IL17RC: variants seen among roughly 807,000 people sequenced by gnomAD.
IL17RC encodes interleukin-17 receptor C.
A neutral mutation model predicts 86.7 loss-of-function variants in IL17RC; 53 were observed. The ratio of observed to expected loss-of-function variants is 0.61; its 90% CI spans 0.49 to 0.77. The LOEUF (loss-of-function observed/expected upper bound fraction) is 0.77, where lower values mean the gene tolerates loss of function less well. Ranked by LOEUF, IL17RC falls within the 30% of genes least tolerant of loss-of-function variation. IL17RC has a pLI of 0.00. For missense variants in IL17RC, 957 were observed against 940.0 expected, an observed-to-expected ratio of 1.02 and a Z score of -0.24; for synonymous variants, 439 against 413.1, an observed-to-expected ratio of 1.06 and a Z score of -0.76.
chr3:9,917,965 CG>C lies in IL17RC; in HGVS notation c.173del (p.Gly58AlafsTer15). On this transcript the variant is annotated frameshift_variant, in exon 3 of 19. Transcript: ENST00000403601. LOFTEE classifies it high-confidence loss of function. ...LCLPGDIVPA[P>X]GPVLAPTHLQ... Reference sequence around the variant, plus strand: ...CTGCCTGGGGACATCGTGCCTGCTCCGGGCCCCGTGCTGGCGCCTACGCACC... The same window carrying C: ...CTGCCTGGGGACATCGTGCCTGCTCCGGCCCCGTGCTGGCGCCTACGCACC... 2 of 1,613,734 alleles carry C rather than the reference CG, an allele frequency of 1.2e-6. No homozygotes were observed. The highest frequency in any genetic ancestry group is 1.7e-6 in the Non-Finnish European group (2 of 1,180,022).
At position 9,930,828 on chromosome 3, in the gene IL17RC, CCAGAGCTTGGTGAATATTGGAA is replaced by C. The variant is rs1410717674; in HGVS notation, c.1339-64_1339-43del. 2 of 1,418,830 alleles carry C rather than the reference CCAGAGCTTGGTGAATATTGGAA, an allele frequency of 1.4e-6. No homozygotes were observed. Among genetic ancestry groups the C allele is most frequent in the Non-Finnish European group, 2.0e-6 (2 of 1,002,238 alleles). 87.9% of individuals were successfully genotyped at this position (1,418,830 alleles called of 1,614,324 possible). ...TGCTGGGAATTTGGAGATCAGGCCA[CCAGAGCTTGGTGAATATTGGAA>C]CACCTGGCTGGTGCCCTGGATTTGG... On this transcript the variant is annotated intron_variant, in intron 15 of 18. Coordinates refer to ENST00000403601, the MANE Select transcript of IL17RC (RefSeq NM_153460.4). This position sits in a 1 kb window ranked among gnomAD's most constrained non-coding sequence, Gnocchi z 5.8.
intron 16 of IL17RC, among the ~76,000 whole-genome samples, chr3:9,931,453 T>TCACA (rs201407577): frequency 8.9e-3 from 396 of 44,496 alleles, no homozygotes; most frequent in Middle Eastern, 0.017. Context: ...TTTATATATT[T>TCACA]CACACACACA....
At chr3:9,921,860 T>C (rs1092374) in intron 7 of IL17RC, among the ~76,000 whole-genome samples, 2 of 150,950 alleles carry the variant, frequency 1.3e-5, no homozygotes, top group Admixed American at 6.6e-5. Flanking sequence ...CTCCTGACCT[T>C]GTGATCCGCC....
chr3:9,932,533 T>G, intron 16 of IL17RC, 75 bp from the exon 17 acceptor site: 3 of 1,366,920 alleles, frequency 2.2e-6, no homozygotes, highest in Non-Finnish European at 3.1e-6. Flanking sequence ...CCCGGCCCAA[T>G]TCATTTCTGT....
At position 9,923,892 on chromosome 3, in the gene IL17RC, C is replaced by T. The variant is rs145242225; in HGVS notation, c.634C>T (p.Leu212Phe). ...SIPSCWALPWLNVSADGDNVH... is the reference protein window; with the variant it reads ...SIPSCWALPWFNVSADGDNVH... ...GCCTCTCCCACCAGCCCTGCCCTGG[C>T]TCAACGTGTCAGCAGATGGTGACAA... Residue 212 changes from leucine (L) to phenylalanine (F), a missense_variant, in exon 8 of 19, where the codon CTC (leucine) becomes TTC (phenylalanine). Transcript: ENST00000403601. 131 of 1,614,080 alleles carry T rather than the reference C, an allele frequency of 8.1e-5. No homozygotes were observed. The African/African-American group carries it at 1.6e-3, about 20-fold the overall frequency.
chr3:9,929,056 T>G, intron 12 of IL17RC: 1 of 165,600 alleles, frequency 6.0e-6, no homozygotes, highest in Non-Finnish European at 1.3e-5. Context: ...GGCTCACGCC[T>G]GTAATCCCAG....
At chr3:9,918,121 T>A (rs2083259200) in intron 3 of IL17RC, 46 bp downstream of exon 3, 1 of 1,539,960 alleles carries the variant, frequency 6.5e-7, no homozygotes, top group African/African-American at 1.4e-5. Context: ...CGTGAGTGTG[T>A]CTGGGGTGGG....
At chr3:9,920,884 C>T (rs1221015397) in intron 6 of IL17RC, 41 bp from the exon 7 acceptor site, 4 of 1,588,918 alleles carry the variant, frequency 2.5e-6, no homozygotes, top group Non-Finnish European at 2.6e-6. Context: ...CTTTCCTTGG[C>T]CCCCAGCCCC....
rs759616166 is a variant in IL17RC at position 9,932,670 on chromosome 3, C to T, written c.1450C>T (p.Leu484Phe). 8.1e-6 allele frequency: 13 copies of T among 1,614,182 alleles called. No homozygotes were observed. In the South Asian group the frequency reaches 1.4e-4, roughly 18 times the overall value. Residue 484 changes from leucine to phenylalanine, a missense_variant, in exon 17 of 19, where the codon CTC becomes TTC. Coordinates refer to ENST00000403601, the MANE Select transcript of IL17RC (RefSeq NM_153460.4). ...ACLLFAAALSLILLLKKDHAK... is the reference protein window; with the variant it reads ...ACLLFAAALSFILLLKKDHAK... ...CCTACTCTTTGCCGCTGCGCTTTCC[C>T]TCATCCTCCTTCTCAAAAAGGATCA... is the stretch of plus-strand genomic sequence containing the variant.
chr3:9,918,257 C>T (rs2125125084), intron 3 of IL17RC, 78 bp from the exon 4 acceptor site: 1 of 1,413,624 alleles, frequency 7.1e-7, no homozygotes, highest in Non-Finnish European at 9.7e-7. Context: ...CTGGGCTTTC[C>T]AGAAGGAAGC....
At chr3:9,923,796 G>T (rs1404481873) in intron 7 of IL17RC, 85 bp from the exon 8 acceptor site, 14 of 1,456,698 alleles carry the variant, frequency 9.6e-6, no homozygotes, top group African/African-American at 1.4e-5. Flanking sequence ...AGTCTAGGGG[G>T]TTTGAAGGAA....
intron 9 of IL17RC, among the ~76,000 whole-genome samples, chr3:9,925,223 C>T (rs990308560): frequency 1.2e-3 from 1 of 846 alleles, no homozygotes; most frequent in African/African-American, 9.8e-3. Context: ...TCACGCCATT[C>T]TCCTGCCTCA....
intron 12 of IL17RC, chr3:9,929,555 T>C (rs937740548): frequency 4.6e-6 from 2 of 434,666 alleles, no homozygotes; most frequent in African/African-American, 4.0e-5. Context: ...TTTAGCAGGG[T>C]GGTCATGTGA....
rs920896606 is a variant in IL17RC at position 9,932,529 on chromosome 3, C to T, written c.1388-79C>T. On this transcript the variant is annotated intron_variant, in intron 16 of 18. Transcript: ENST00000403601. ...AAAGGCATGAGCCACCGCACCCGGC[C>T]CAATTCATTTCTGTTAAGTCTCAGT... 5 of 1,333,412 alleles carry T rather than the reference C, an allele frequency of 3.7e-6. No homozygotes were observed. In the African/African-American group the frequency reaches 5.8e-5, roughly 15 times the overall value. 82.6% of individuals were successfully genotyped at this position (1,333,412 alleles called of 1,614,324 possible).
intron 7 of IL17RC, among the ~76,000 whole-genome samples, chr3:9,921,299 A>G (rs1031055654): frequency 6.6e-6 from 1 of 152,072 alleles, no homozygotes. Context: ...TACCAAAAAT[A>G]CAAAAATTAA....
chr3:9,928,622 T>C lies in IL17RC; in HGVS notation c.1102T>C (p.Cys368Arg). 6.2e-7 allele frequency: 1 copy of C among 1,613,564 alleles called. No individual in the cohort carries two copies. Among genetic ancestry groups the C allele is most frequent in the East Asian group, 2.2e-5 (1 of 44,886 alleles). The change falls in exon 12 of 19, where the codon TGT becomes CGT. Residue 368 changes from cysteine (C) to arginine (R), a missense_variant. Coordinates refer to ENST00000403601, the MANE Select transcript of IL17RC (RefSeq NM_153460.4). ...ATTGCTGAAAGGCCACCCTAACCTC[T>C]GTGTTCAGGTCAGAAAGGGGTGCAT... ...FPLLKGHPNL[C>R]VQVNSSEKLQ...
chr3:9,931,021 C>T, intron 16 of IL17RC, 78 bp downstream of exon 16: 1 of 1,097,034 alleles, frequency 9.1e-7, no homozygotes, highest in Non-Finnish European at 1.4e-6. Context: ...GGGCACAGCA[C>T]ATGCAATGGC....
intron 7 of IL17RC, among the ~76,000 whole-genome samples, chr3:9,922,098 G>A (rs904882149): frequency 2.0e-5 from 3 of 151,372 alleles, no homozygotes; most frequent in African/African-American, 2.4e-5. Context: ...GATTACAGAC[G>A]TGCACCACCA....
intron 8 of IL17RC, 40 bp downstream of exon 8, chr3:9,924,060 C>T: frequency 6.2e-7 from 1 of 1,611,798 alleles, no homozygotes. Context: ...CCACTGTAGG[C>T]CGATGCCTGT....
Sources: gnomAD v4.1 joint callset for allele counts (sites outside exome capture counted in the v4.1 genomes callset) on GRCh38, gnomAD v4.1.1 for gene constraint, Gnocchi (gnomAD v3.1) non-coding constraint, MANE v1.5 for transcripts, NCBI Gene and HGNC (gene_info 2026-07-23, HGNC 2026-07-21) for gene names.